CNTN3: variants seen among roughly 807,000 people sequenced by gnomAD.
CNTN3 encodes the protein contactin 3.
Under a neutral mutation model 119.1 loss-of-function variants are expected in CNTN3, and 60 were observed. The observed-to-expected ratio is 0.50, with a 90% CI of 0.41 to 0.62. The LOEUF (loss-of-function observed/expected upper bound fraction) is 0.62. Ranked by LOEUF, CNTN3 falls within the 20% of genes least tolerant of loss-of-function variation. The pLI is 0.00. For missense variants in CNTN3, 1,101 were observed against 1,242.4 expected, an observed-to-expected ratio of 0.89 and a Z score of 1.71; for synonymous variants, 450 against 438.7, an observed-to-expected ratio of 1.03 and a Z score of -0.32.
intron 11 of CNTN3, among the ~76,000 whole-genome samples, chr3:74,354,613 G>C (rs1200164336): frequency 6.6e-6 from 1 of 151,970 alleles, no homozygotes; most frequent in African/African-American, 2.4e-5. Flanking sequence ...TACTGAAAAA[G>C]GCAGTACATT....
chr3:74,530,143 G>T (rs919316947), intron 1 of CNTN3, among the ~76,000 whole-genome samples: 1 of 151,928 alleles, frequency 6.6e-6, no homozygotes, highest in African/African-American at 2.4e-5. Flanking sequence ...TGTCTTCAAG[G>T]CACTGACACT....
chr3:74,444,709 T>A (rs959216626), intron 4 of CNTN3, among the ~76,000 whole-genome samples: 1 of 152,266 alleles, frequency 6.6e-6, no homozygotes, highest in Non-Finnish European at 1.5e-5. Flanking sequence ...TTTGGTCTAC[T>A]CCTACGAAAA....
At chr3:74,492,803 G>A (rs888115215) in intron 3 of CNTN3, among the ~76,000 whole-genome samples, 2 of 151,996 alleles carry the variant, frequency 1.3e-5, no homozygotes, top group Non-Finnish European at 2.9e-5. Flanking sequence ...ACACAAATTT[G>A]TATAATAATG....
At chr3:74,266,069 T>C (rs924324778) in intron 22 of CNTN3, among the ~76,000 whole-genome samples, 5 of 152,134 alleles carry the variant, frequency 3.3e-5, no homozygotes, top group African/African-American at 9.7e-5. Context: ...GTTTAGGACT[T>C]TGACAATGTT....
chr3:74,426,036 C>T (rs1315289147), intron 4 of CNTN3, among the ~76,000 whole-genome samples: 2 of 152,044 alleles, frequency 1.3e-5, no homozygotes. Flanking sequence ...TGATTACCAA[C>T]GGTTATTTTT....
At chr3:74,362,147 T>C in intron 10 of CNTN3, 107 bp from the exon 11 acceptor site, 2 of 1,185,688 alleles carry the variant, frequency 1.7e-6, no homozygotes, top group Non-Finnish European at 2.4e-6. Flanking sequence ...ACATTCAGGG[T>C]GTCAGTGCTT....
At chr3:74,320,673 A>G (rs1702964711) in intron 13 of CNTN3, among the ~76,000 whole-genome samples, 1 of 152,186 alleles carries the variant, frequency 6.6e-6, no homozygotes, top group Non-Finnish European at 1.5e-5. Context: ...AAAGTAAACA[A>G]AAACAACAAC....
intron 4 of CNTN3, among the ~76,000 whole-genome samples, chr3:74,426,896 T>C (rs950757894): frequency 1.3e-5 from 2 of 152,224 alleles, no homozygotes; most frequent in African/African-American, 2.4e-5. Context: ...TGATCAAGTA[T>C]GTGTCATCAT....
chr3:74,266,741 CCTT>C (rs1559671089), intron 21 of CNTN3, 92 bp from the exon 22 acceptor site: 2 of 1,083,810 alleles, frequency 1.8e-6, no homozygotes, highest in Admixed American at 2.0e-5. Flanking sequence ...CTAATTTTGT[CCTT>C]CTATATCCAC....
intron 3 of CNTN3, among the ~76,000 whole-genome samples, chr3:74,496,441 T>A (rs1559632632): frequency 6.6e-6 from 1 of 152,070 alleles, no homozygotes; most frequent in East Asian, 1.9e-4. Context: ...CAGTTTCCAG[T>A]CATTATTCAA....
chr3:74,561,620 C>T (rs1029100437), intron 1 of CNTN3, among the ~76,000 whole-genome samples: 6 of 152,142 alleles, frequency 3.9e-5, no homozygotes, highest in African/African-American at 1.4e-4. Context: ...TCCTTCTTCC[C>T]CTCACGTCCC....
chr3:74,314,458 G>A (rs1048308954), intron 13 of CNTN3, among the ~76,000 whole-genome samples: 27 of 152,216 alleles, frequency 1.8e-4, no homozygotes, highest in African/African-American at 5.3e-4. Context: ...AAGGGATAGC[G>A]AAATATATAC....
At chr3:74,423,992 T>C (rs1357406674) in intron 5 of CNTN3, among the ~76,000 whole-genome samples, 1 of 152,210 alleles carries the variant, frequency 6.6e-6, no homozygotes, top group African/African-American at 2.4e-5. Flanking sequence ...TAAGTTTTAC[T>C]GTAATGAGAA....
Position 74,449,639 on chromosome 3 carries a change from C to T in CNTN3, c.359-24699G>A, listed in dbSNP as rs1187819499. On this transcript the variant is annotated intron_variant, in intron 4 of 22. Coordinates refer to ENST00000263665, the MANE Select transcript of CNTN3 (RefSeq NM_020872.3). ...CCACACCTTTTGAAACTGCAGAAAG[C>T]GGTAATTTATATATTATGCAAGAAA... is the stretch of plus-strand genomic sequence containing the variant. Among the ~76,000 whole-genome samples, 5 of 152,070 alleles carry T rather than the reference C, an allele frequency of 3.3e-5. No homozygotes were observed. In the East Asian group the frequency reaches 5.8e-4, roughly 18 times the overall value.
chr3:74,589,816 A>G (rs1167317507), intron 1 of CNTN3, among the ~76,000 whole-genome samples: 3 of 151,846 alleles, frequency 2.0e-5, no homozygotes, highest in African/African-American at 7.3e-5. Context: ...AGGGACATGG[A>G]TGAAATTGGA....
Position 74,476,009 on chromosome 3 carries a change from T to C in CNTN3, c.358+10447A>G, listed in dbSNP as rs575154065. 3.3e-5 allele frequency among the ~76,000 whole-genome samples: 5 copies of C among 152,320 alleles called. No homozygotes were observed. The South Asian group carries it at 1.0e-3, about 32-fold the overall frequency. Reference sequence around the variant, plus strand: ...TGCTGTTTAAAATGGCCCCCAGGTATAGTACTGAAATGCAGTCTAGTGTTT... The same window carrying C: ...TGCTGTTTAAAATGGCCCCCAGGTACAGTACTGAAATGCAGTCTAGTGTTT... On this transcript the variant is annotated intron_variant, in intron 4 of 22. Transcript: ENST00000263665.
chr3:74,516,000 A>G (rs1289494837), intron 2 of CNTN3, among the ~76,000 whole-genome samples: 3 of 151,926 alleles, frequency 2.0e-5, no homozygotes, highest in Non-Finnish European at 4.4e-5. Flanking sequence ...TCTCTTACCC[A>G]CCACCAAGGA....
intron 4 of CNTN3, among the ~76,000 whole-genome samples, chr3:74,439,757 C>T (rs1452012736): frequency 2.0e-5 from 3 of 152,160 alleles, no homozygotes; most frequent in African/African-American, 4.8e-5. Flanking sequence ...AGAAACTTCA[C>T]CTACAAAAGG....
chr3:74,408,695 AT>A (rs1701385978), intron 5 of CNTN3, among the ~76,000 whole-genome samples: 1 of 151,968 alleles, frequency 6.6e-6, no homozygotes, highest in South Asian at 2.1e-4. Context: ...TAGACTTTTC[AT>A]TTGGAATCTT....
Sources: gnomAD v4.1 joint callset for allele counts (sites outside exome capture counted in the v4.1 genomes callset) on GRCh38, gnomAD v4.1.1 for gene constraint, MANE v1.5 for transcripts, NCBI Gene and HGNC (gene_info 2026-07-23, HGNC 2026-07-21) for gene names.